The following ANO10 variants were observed in gnomAD, a reference collection of about 807,000 sequenced individuals.
The protein encoded by ANO10 is anoctamin-10.
In ANO10, 77 loss-of-function variants were observed where a neutral mutation model predicts 74.7. The observed-to-expected ratio is 1.03, with a 90% CI of 0.86 to 1.25. The LOEUF is 1.25. Ranked by LOEUF, ANO10 falls within the 50% of genes most tolerant of loss-of-function variation. ANO10 has a pLI of 0.00. For synonymous variants in ANO10, 279 were observed against 284.9 expected (o/e 0.98, Z 0.21); for missense variants, 721 against 778.1 (o/e 0.93, Z 0.87).
rs115275526 is a variant in ANO10 at position 43,550,257 on chromosome 3, T to C, written c.1669-409A>G. On this transcript the variant is annotated intron_variant, in intron 10 of 12. Coordinates refer to ENST00000292246, the MANE Select transcript of ANO10 (RefSeq NM_018075.5). ...GTGAAACCATCCTTCTACTTTGACA[T>C]CACACACCACATCTGACTCAGCTAT... Among the ~76,000 whole-genome samples, 446 of 152,288 alleles carry C rather than the reference T, an allele frequency of 2.9e-3. 1 individual carries two copies. Among genetic ancestry groups the C allele is most frequent in the Non-Finnish European group, 4.9e-3 (330 of 68,022 alleles).
rs1284532246 is a variant in ANO10, at chr3:43,561,410, G to A, written c.1294-8C>T. On this transcript the variant is annotated splice_polypyrimidine_tract_variant and splice_region_variant and intron_variant, in intron 8 of 12. Coordinates refer to ENST00000292246, the MANE Select transcript of ANO10 (RefSeq NM_018075.5). ...TAGGAGAGTGGCCAAGCTCTAAAGA[G>A]AAGCACACAAATCACATTTTGGGAA... 6.2e-7 allele frequency: 1 copy of A among 1,613,366 alleles called. No individual in the cohort carries two copies. Among genetic ancestry groups the A allele is most frequent in the African/African-American group, 1.3e-5 (1 of 75,000 alleles).
intron 12 of ANO10, among the ~76,000 whole-genome samples, chr3:43,370,693 C>A (rs1273177675): frequency 6.6e-6 from 1 of 152,176 alleles, no homozygotes; most frequent in Non-Finnish European, 1.5e-5. Context: ...AAAATGGAGA[C>A]AGAATGGAAT....
At chr3:43,438,476 G>T (rs1310197300) in intron 11 of ANO10, among the ~76,000 whole-genome samples, 1 of 151,916 alleles carries the variant, frequency 6.6e-6, no homozygotes, top group Non-Finnish European at 1.5e-5. Context: ...CAGGCATGGT[G>T]GCTCACGCCT....
intron 4 of ANO10, among the ~76,000 whole-genome samples, chr3:43,593,927 A>C (rs978663657): frequency 2.8e-4 from 43 of 152,206 alleles, no homozygotes; most frequent in Non-Finnish European, 4.1e-4. Flanking sequence ...TCTACCAAGC[A>C]AATGGAAAAC....
chr3:43,653,793 A>G (rs951381110), intron 1 of ANO10, among the ~76,000 whole-genome samples: 1 of 152,200 alleles, frequency 6.6e-6, no homozygotes, highest in South Asian at 2.1e-4. Context: ...CTAGAACCCC[A>G]TGAAGTCCCC....
chr3:43,545,319 A>C (rs1409225666), intron 11 of ANO10, among the ~76,000 whole-genome samples: 1 of 152,198 alleles, frequency 6.6e-6, no homozygotes, highest in Non-Finnish European at 1.5e-5. Flanking sequence ...ATAAAAGAGA[A>C]AAATCTTATA....
chr3:43,393,806 C>T (rs182142456), intron 12 of ANO10, among the ~76,000 whole-genome samples: 42 of 152,276 alleles, frequency 2.8e-4, no homozygotes, highest in African/African-American at 9.4e-4. Context: ...GAAGGTTCCC[C>T]TTTCCAATCT....
At chr3:43,467,940 T>C (rs1309209453) in intron 11 of ANO10, among the ~76,000 whole-genome samples, 1 of 152,192 alleles carries the variant, frequency 6.6e-6, no homozygotes, top group African/African-American at 2.4e-5. Context: ...TGAAACTACA[T>C]GGAAAAACAC....
intron 9 of ANO10, among the ~76,000 whole-genome samples, chr3:43,559,082 ATAAT>A (rs1262206086): frequency 1.3e-5 from 2 of 152,256 alleles, no homozygotes; most frequent in African/African-American, 4.8e-5. Context: ...TAGTCACCAA[ATAAT>A]TAATGACATA....
intron 11 of ANO10, among the ~76,000 whole-genome samples, chr3:43,516,230 A>C (rs560316879): frequency 3.9e-5 from 6 of 152,312 alleles, no homozygotes; most frequent in Admixed American, 1.3e-4. Context: ...CATATTAATT[A>C]ATCATTAACG....
At chr3:43,482,218 G>A (rs981951587) in intron 11 of ANO10, among the ~76,000 whole-genome samples, 1 of 151,860 alleles carries the variant, frequency 6.6e-6, no homozygotes, top group Non-Finnish European at 1.5e-5. Flanking sequence ...GTGAGCCACC[G>A]CCCCCAGCCA....
At chr3:43,667,834 C>T (rs758813062) in intron 1 of ANO10, among the ~76,000 whole-genome samples, 25 of 152,128 alleles carry the variant, frequency 1.6e-4, no homozygotes, top group Admixed American at 5.2e-4. Flanking sequence ...TTTCTTTATC[C>T]GCTCATGGGT....
Position 43,580,453 on chromosome 3 carries a change from AGAC to A in ANO10, c.489_491del (p.Ser164del). Reference sequence around the variant, plus strand: ...GTGGAAACACCTGAATCACGATGCCAGACGTGAGCAATCTTCTCACTGCACAGG... The same window carrying A: ...GTGGAAACACCTGAATCACGATGCCAGTGAGCAATCTTCTCACTGCACAGG... On this transcript the variant is annotated inframe_deletion, in exon 5 of 13. Transcript: ENST00000292246. 5.6e-6 allele frequency: 9 copies of A among 1,613,958 alleles called. No individual in the cohort carries two copies. Among genetic ancestry groups the A allele is most frequent in the Non-Finnish European group, 7.6e-6 (9 of 1,179,986 alleles).
At chr3:43,527,142 G>T (rs1458856523) in intron 11 of ANO10, among the ~76,000 whole-genome samples, 1 of 151,816 alleles carries the variant, frequency 6.6e-6, no homozygotes, top group Non-Finnish European at 1.5e-5. Flanking sequence ...TGTGTAAACT[G>T]ATTTCTGGGA....
intron 11 of ANO10, among the ~76,000 whole-genome samples, chr3:43,450,797 C>T (rs190533501): frequency 1.3e-5 from 2 of 152,264 alleles, no homozygotes; most frequent in East Asian, 3.9e-4. Flanking sequence ...TGTAATGTAA[C>T]AGATTACAGT....
intron 12 of ANO10, among the ~76,000 whole-genome samples, chr3:43,422,333 T>C (rs2092832116): frequency 6.6e-6 from 1 of 152,214 alleles, no homozygotes. Flanking sequence ...GTCAGGCTGG[T>C]CTCAAACTCC....
chr3:43,675,276 T>C (rs191285708), intron 1 of ANO10, among the ~76,000 whole-genome samples: 1 of 152,116 alleles, frequency 6.6e-6, no homozygotes, highest in East Asian at 1.9e-4. Context: ...CATAAAACTT[T>C]TAGAAAAAAA....
At chr3:43,476,674 C>T (rs1287035836) in intron 11 of ANO10, among the ~76,000 whole-genome samples, 1 of 152,038 alleles carries the variant, frequency 6.6e-6, no homozygotes, top group Non-Finnish European at 1.5e-5. Context: ...GGTTTTTTCC[C>T]TTACTTCACC....
At chr3:43,539,931 C>G (rs969232715) in intron 11 of ANO10, among the ~76,000 whole-genome samples, 1 of 152,128 alleles carries the variant, frequency 6.6e-6, no homozygotes, top group African/African-American at 2.4e-5. Flanking sequence ...TTAGGTTACC[C>G]ACTGTAAGAC....
Sources: allele counts gnomAD v4.1 joint callset (sites outside exome capture counted in the v4.1 genomes callset), GRCh38; gene constraint gnomAD v4.1.1; transcripts MANE v1.5; gene names NCBI Gene and HGNC (gene_info 2026-07-23, HGNC 2026-07-21).